Variants in PRKN observed in about 807,000 individuals in gnomAD.
The protein encoded by PRKN is E3 ubiquitin-protein ligase parkin.
PRKN carries 56 observed loss-of-function variants against 59.5 expected under a neutral mutation model. That is an observed-to-expected ratio of 0.94 (90% CI 0.76 to 1.18). The LOEUF (loss-of-function observed/expected upper bound fraction) is 1.18. Among genes scored for constraint, PRKN ranks in the 50% most tolerant of loss-of-function variants. The pLI is 0.00. For missense variants in PRKN, 657 were observed against 596.4 expected (o/e 1.10, Z -1.06); for synonymous variants, 250 against 222.1 (o/e 1.13, Z -1.12).
At chr6:162,603,883 C>T (rs1031657551) in intron 1 of PRKN, among the ~76,000 whole-genome samples, 1 of 152,086 alleles carries the variant, frequency 6.6e-6, no homozygotes, top group Non-Finnish European at 1.5e-5. Context: ...ATCTGCCAGA[C>T]CCCACCAACA....
chr6:162,460,122 CATCA>C (rs1294165063), intron 1 of PRKN, among the ~76,000 whole-genome samples: 1 of 152,202 alleles, frequency 6.6e-6, no homozygotes, highest in Non-Finnish European at 1.5e-5. Flanking sequence ...CCCAAATGCT[CATCA>C]ATTAACCAAT....
intron 1 of PRKN, among the ~76,000 whole-genome samples, chr6:162,671,671 C>T (rs917676509): frequency 6.6e-6 from 1 of 151,704 alleles, no homozygotes; most frequent in Non-Finnish European, 1.5e-5. Context: ...GAAGTATTTA[C>T]TGAATATCTG....
At chr6:162,575,206 C>T (rs1780509653) in intron 1 of PRKN, among the ~76,000 whole-genome samples, 1 of 152,184 alleles carries the variant, frequency 6.6e-6, no homozygotes, top group African/African-American at 2.4e-5. Flanking sequence ...TCTTCATCTT[C>T]TGTCAGTCTT....
chr6:161,495,215 T>C (rs914941756), intron 9 of PRKN, among the ~76,000 whole-genome samples: 89 of 152,210 alleles, frequency 5.8e-4, no homozygotes, highest in African/African-American at 1.8e-3. Flanking sequence ...ACACCTCCCT[T>C]CGGACTACCC....
At chr6:162,288,455 G>A (rs1264161453) in intron 2 of PRKN, among the ~76,000 whole-genome samples, 1 of 152,104 alleles carries the variant, frequency 6.6e-6, no homozygotes, top group African/African-American at 2.4e-5. Context: ...TCAGCAAAAG[G>A]GAGATTATCC....
rs753815139 is a variant in PRKN at position 161,452,889 on chromosome 6, T to TTA, written c.1084-66014_1084-66013dup. Among the ~76,000 whole-genome samples, 273 of 151,466 alleles carry TTA rather than the reference T, an allele frequency of 1.8e-3. 1 individual carries two copies. Among genetic ancestry groups the TTA allele is most frequent in the Admixed American group, 4.5e-3 (68 of 15,198 alleles). ...CTCTCTCTCTAATATCATATATATT[T>TTA]TATATATATATAAAATACCTCCATT... On this transcript the variant is annotated intron_variant, in intron 9 of 11. Transcript: ENST00000366898.
At chr6:162,231,812 A>G (rs751598412) in intron 3 of PRKN, among the ~76,000 whole-genome samples, 4 of 152,158 alleles carry the variant, frequency 2.6e-5, no homozygotes, top group Non-Finnish European at 5.9e-5. Context: ...ACTACATCCC[A>G]GAGAGAGAAA....
At chr6:161,404,611 G>T (rs1457285318) in intron 9 of PRKN, among the ~76,000 whole-genome samples, 1 of 152,196 alleles carries the variant, frequency 6.6e-6, no homozygotes. Flanking sequence ...AAATGTGTCA[G>T]GGTGTCTCTA....
chr6:161,385,864 T>C lies in PRKN; in HGVS notation c.1167+930A>G, dbSNP rs1053861614. Among the ~76,000 whole-genome samples the C allele has an allele frequency of 6.6e-6, 1 of 152,254 alleles. No individual in the cohort carries two copies. The highest frequency in any genetic ancestry group is 1.5e-5 in the Non-Finnish European group (1 of 68,048). On this transcript the variant is annotated intron_variant, in intron 10 of 11. Coordinates refer to ENST00000366898, the MANE Select transcript of PRKN (RefSeq NM_004562.3). The surrounding 1 kb of genome is among the most constrained non-coding windows in gnomAD (Gnocchi z 4.9). ...CAACTCAGTCCTAAATCCACTCATA[T>C]GCTCATGGCTGGCAATTTAGGAGCA...
At chr6:162,106,737 C>A (rs1299556216) in intron 4 of PRKN, among the ~76,000 whole-genome samples, 2 of 152,180 alleles carry the variant, frequency 1.3e-5, no homozygotes, top group African/African-American at 4.8e-5. Flanking sequence ...ATGCCTCTAA[C>A]CAATACCTTC....
intron 1 of PRKN, among the ~76,000 whole-genome samples, chr6:162,636,916 T>G (rs897564357): frequency 6.7e-6 from 1 of 150,344 alleles, no homozygotes; most frequent in Non-Finnish European, 1.5e-5. Flanking sequence ...GCCATGACAG[T>G]GCCACTGCAC....
chr6:162,547,133 C>A, intron 1 of PRKN, among the ~76,000 whole-genome samples: 1 of 152,174 alleles, frequency 6.6e-6, no homozygotes, highest in East Asian at 1.9e-4. Flanking sequence ...CAGTCAGGAA[C>A]TTTCTGGTTT....
intron 7 of PRKN, among the ~76,000 whole-genome samples, chr6:161,734,731 A>G (rs2128189533): frequency 6.6e-6 from 1 of 152,292 alleles, no homozygotes; most frequent in Middle Eastern, 3.4e-3. Context: ...AGTGAATTGA[A>G]TAAATCTTCC....
chr6:162,662,785 T>G (rs897963491), intron 1 of PRKN, among the ~76,000 whole-genome samples: 2 of 152,204 alleles, frequency 1.3e-5, no homozygotes, highest in South Asian at 4.1e-4. Flanking sequence ...AATCTATGTG[T>G]GTATTTTTAT....
At chr6:161,889,173 C>A (rs564623366) in intron 6 of PRKN, among the ~76,000 whole-genome samples, 1 of 152,110 alleles carries the variant, frequency 6.6e-6, no homozygotes, top group South Asian at 2.1e-4. Context: ...AAAGTAACCA[C>A]GAAGTCAGAG....
intron 2 of PRKN, among the ~76,000 whole-genome samples, chr6:162,406,869 A>G (rs2128152624): frequency 6.6e-6 from 1 of 152,052 alleles, no homozygotes. Flanking sequence ...TCCCCACCCC[A>G]GTATTTTTAT....
chr6:162,397,070 G>T (rs141119444), intron 2 of PRKN, among the ~76,000 whole-genome samples: 39 of 152,270 alleles, frequency 2.6e-4, no homozygotes, highest in African/African-American at 8.7e-4. Flanking sequence ...GACTTTTGCT[G>T]GAACTATTAA....
intron 6 of PRKN, among the ~76,000 whole-genome samples, chr6:161,956,828 A>G (rs1391607746): frequency 3.3e-5 from 5 of 152,282 alleles, no homozygotes; most frequent in East Asian, 1.9e-4. Flanking sequence ...TTCCTAGGAT[A>G]CTGTTCTATA....
intron 7 of PRKN, among the ~76,000 whole-genome samples, chr6:161,744,069 A>C (rs1485240899): frequency 1.3e-5 from 2 of 152,164 alleles, no homozygotes; most frequent in African/African-American, 4.8e-5. Flanking sequence ...AGATCATAGA[A>C]GAGTAGAGCT....
Sources: allele counts gnomAD v4.1 joint callset (sites outside exome capture counted in the v4.1 genomes callset), GRCh38; gene constraint gnomAD v4.1.1; non-coding constraint Gnocchi (gnomAD v3.1); transcripts MANE v1.5; gene names NCBI Gene and HGNC (gene_info 2026-07-23, HGNC 2026-07-21).